Variants in ITFG1 observed in about 807,000 individuals in gnomAD.
ITFG1 encodes the protein T-cell immunomodulatory protein.
A neutral mutation model predicts 81.8 loss-of-function variants in ITFG1; 34 were observed. The ratio of observed to expected loss-of-function variants is 0.42; its 90% CI spans 0.32 to 0.55. The LOEUF is 0.55. Ranked by LOEUF, ITFG1 falls within the 20% of genes least tolerant of loss-of-function variation. The pLI is 0.17. For missense variants in ITFG1, 672 were observed against 755.4 expected (o/e 0.89, Z 1.29); for synonymous variants, 285 against 270.6 (o/e 1.05, Z -0.52).
rs535938497 is a variant in ITFG1 at position 47,222,008 on chromosome 16, A to G, written c.1375-3062T>C. ...TTATTAGTCTTGCTAGCGGTCTATC[A>G]ATTTTGTTGATCCTTTCAAAAAAAC... is the stretch of plus-strand genomic sequence containing the variant. On this transcript the variant is annotated intron_variant, in intron 13 of 17. Transcript: ENST00000320640. Among the ~76,000 whole-genome samples, 10 of 151,268 alleles carry G rather than the reference A, an allele frequency of 6.6e-5. No individual in the cohort carries two copies. In the Middle Eastern group the frequency reaches 0.01, roughly 154 times the overall value.
chr16:47,174,653 A>G (rs533750783), intron 14 of ITFG1, among the ~76,000 whole-genome samples: 1 of 152,164 alleles, frequency 6.6e-6, no homozygotes, highest in African/African-American at 2.4e-5. Context: ...CCTGAGTAGC[A>G]GGAATTAGAG....
chr16:47,298,133 T>C (rs1240517511), intron 10 of ITFG1, among the ~76,000 whole-genome samples: 1 of 152,184 alleles, frequency 6.6e-6, no homozygotes, highest in Non-Finnish European at 1.5e-5. Flanking sequence ...GTTTAATTCC[T>C]TCAATAATTT....
chr16:47,421,831 C>A (rs1459149460), intron 6 of ITFG1, among the ~76,000 whole-genome samples: 1 of 152,112 alleles, frequency 6.6e-6, no homozygotes, highest in Non-Finnish European at 1.5e-5. Context: ...CTCCCACAGT[C>A]CCCCACCCAG....
At chr16:47,447,112 C>G (rs1471330139) in intron 5 of ITFG1, among the ~76,000 whole-genome samples, 2 of 152,196 alleles carry the variant, frequency 1.3e-5, no homozygotes, top group Non-Finnish European at 2.9e-5. Context: ...AGGTGATCCT[C>G]TTGCCTCATC....
At position 47,154,776 on chromosome 16, in the gene ITFG1, A is replaced by C. The variant is rs991340428; in HGVS notation, c.*943T>G. 1.3e-5 allele frequency: 2 copies of C among 152,230 alleles called. No individual in the cohort carries two copies. Among genetic ancestry groups the C allele is most frequent in the Non-Finnish European group, 2.9e-5 (2 of 68,032 alleles). 9.4% of individuals were successfully genotyped at this position (152,230 alleles called of 1,614,324 possible). A position where few individuals can be genotyped will look rare whatever the true frequency, so the allele number is the denominator to read the frequency against. ...GAAATCAAATGTTCTTCATTATCACATGATAAGGATAAGTTTTTGGAGGAA... is the reference window on the plus strand; with the variant it reads ...GAAATCAAATGTTCTTCATTATCACCTGATAAGGATAAGTTTTTGGAGGAA... On this transcript the variant is annotated 3_prime_UTR_variant, in exon 18 of 18. Transcript: ENST00000320640.
chr16:47,334,957 G>C (rs187840638), intron 8 of ITFG1, among the ~76,000 whole-genome samples: 148 of 152,224 alleles, frequency 9.7e-4, no homozygotes, highest in African/African-American at 3.4e-3. Context: ...TCTGTCCTTA[G>C]GTTATTAAGC....
chr16:47,318,089 G>A (rs1371572613), intron 8 of ITFG1, among the ~76,000 whole-genome samples: 1 of 151,970 alleles, frequency 6.6e-6, no homozygotes, highest in Admixed American at 6.6e-5. Context: ...CTAATAATGA[G>A]TAATCAGGCA....
At chr16:47,217,814 G>A (rs1596814233) in intron 14 of ITFG1, among the ~76,000 whole-genome samples, 1 of 151,952 alleles carries the variant, frequency 6.6e-6, no homozygotes, top group Admixed American at 6.6e-5. Context: ...GGTCCCAGCT[G>A]CTCGGGAGGC....
intron 8 of ITFG1, among the ~76,000 whole-genome samples, chr16:47,348,841 A>G (rs928126678): frequency 4.6e-5 from 7 of 152,260 alleles, no homozygotes; most frequent in African/African-American, 1.7e-4. Context: ...AGGGAAGCCC[A>G]TCAGACTAAC....
rs189262811 is a variant in ITFG1 at position 47,459,000 on chromosome 16, T to C, written c.281+103A>G. On this transcript the variant is annotated intron_variant, in intron 2 of 17. Coordinates refer to ENST00000320640, the MANE Select transcript of ITFG1 (RefSeq NM_030790.5). ...ATACCTCACAAACAGTGGTTTTGCATCCCAACACTAAGGCTGACTTTAAAG... is the reference window on the plus strand; with the variant it reads ...ATACCTCACAAACAGTGGTTTTGCACCCCAACACTAAGGCTGACTTTAAAG... 4.9e-5 allele frequency: 35 copies of C among 720,146 alleles called. No individual in the cohort carries two copies. In the East Asian group the frequency reaches 8.4e-4, roughly 17 times the overall value. 44.6% of individuals were successfully genotyped at this position (720,146 alleles called of 1,614,324 possible). A position where few individuals can be genotyped will look rare whatever the true frequency, so the allele number is the denominator to read the frequency against.
intron 8 of ITFG1, among the ~76,000 whole-genome samples, chr16:47,363,114 G>T (rs1462266740): frequency 6.6e-6 from 1 of 151,888 alleles, no homozygotes; most frequent in African/African-American, 2.4e-5. Flanking sequence ...GCCCAGGCTG[G>T]TCTCAAACTC....
intron 8 of ITFG1, among the ~76,000 whole-genome samples, chr16:47,345,169 T>C (rs999370360): frequency 6.6e-6 from 1 of 152,102 alleles, no homozygotes; most frequent in African/African-American, 2.4e-5. Flanking sequence ...CTCAGAGGTG[T>C]CCAATCTTTT....
chr16:47,216,868 G>A (rs533742777), intron 14 of ITFG1, among the ~76,000 whole-genome samples: 1 of 152,052 alleles, frequency 6.6e-6, no homozygotes, highest in Admixed American at 6.5e-5. Context: ...ATGTTGGCCA[G>A]GCTGGTCTTG....
intron 14 of ITFG1, among the ~76,000 whole-genome samples, chr16:47,179,112 C>G (rs1479738524): frequency 6.6e-6 from 1 of 152,100 alleles, no homozygotes; most frequent in Non-Finnish European, 1.5e-5. Context: ...AATAGGAACA[C>G]TTTTACACTG....
chr16:47,186,373 C>G (rs1306325617), intron 14 of ITFG1, among the ~76,000 whole-genome samples: 1 of 152,088 alleles, frequency 6.6e-6, no homozygotes, highest in Non-Finnish European at 1.5e-5. Context: ...AAAATACTGG[C>G]AAACCGAATC....
At chr16:47,343,884 C>T (rs573833372) in intron 8 of ITFG1, among the ~76,000 whole-genome samples, 2 of 152,204 alleles carry the variant, frequency 1.3e-5, no homozygotes, top group Admixed American at 1.3e-4. Context: ...TAGACTACAG[C>T]ATTATTCACA....
chr16:47,365,513 C>T, intron 8 of ITFG1: 1 of 319,202 alleles, frequency 3.1e-6, no homozygotes, highest in Admixed American at 4.4e-5. Flanking sequence ...CTGGAATTCT[C>T]TAGAAAAAGT....
chr16:47,254,096 T>C (rs1966112546), intron 12 of ITFG1, among the ~76,000 whole-genome samples: 1 of 152,028 alleles, frequency 6.6e-6, no homozygotes. Context: ...GAAGTCTGTG[T>C]TGCATTATGA....
At chr16:47,210,419 T>C (rs925270360) in intron 14 of ITFG1, among the ~76,000 whole-genome samples, 5 of 152,174 alleles carry the variant, frequency 3.3e-5, no homozygotes, top group African/African-American at 1.2e-4. Flanking sequence ...TTATAGATAT[T>C]GAACCTTTGT....
Sources: gnomAD v4.1 joint callset for allele counts (sites outside exome capture counted in the v4.1 genomes callset) on GRCh38, gnomAD v4.1.1 for gene constraint, MANE v1.5 for transcripts, NCBI Gene and HGNC (gene_info 2026-07-23, HGNC 2026-07-21) for gene names.